The following RGS17 variants were observed in gnomAD, a reference collection of about 807,000 sequenced individuals.
The protein encoded by RGS17 is regulator of G-protein signaling 17.
RGS17 carries 12 observed loss-of-function variants against 25.5 expected under a neutral mutation model. That is an observed-to-expected ratio of 0.47 (90% CI 0.30 to 0.76). The LOEUF is 0.76. Ranked by LOEUF, RGS17 falls within the 30% of genes least tolerant of loss-of-function variation. The probability of loss-of-function intolerance (pLI) is 0.07; values close to 1 mark genes in which losing one functional copy is unlikely to be tolerated. For synonymous variants in RGS17, 71 were observed against 76.9 expected, an observed-to-expected ratio of 0.92 and a Z score of 0.40; for missense variants, 196 against 242.2, an observed-to-expected ratio of 0.81 and a Z score of 1.27.
intron 4 of RGS17, among the ~76,000 whole-genome samples, chr6:153,015,384 G>C (rs944148180): frequency 6.6e-6 from 1 of 152,158 alleles, no homozygotes; most frequent in Non-Finnish European, 1.5e-5. Context: ...GTCAATCGAT[G>C]TGGCAAACTT....
At chr6:153,123,910 A>G (rs748966745) in intron 1 of RGS17, among the ~76,000 whole-genome samples, 1 of 152,192 alleles carries the variant, frequency 6.6e-6, no homozygotes, top group Non-Finnish European at 1.5e-5. Flanking sequence ...CTTTATTTCA[A>G]TGAGAAGGAA....
In RGS17 at chr6:153,004,777, C is replaced by G. The variant is rs1224617445; in HGVS notation, c.*6797G>C. ...AAACTTAAATTGGAGGAAACATAAT[C>G]TGGATTATCTATTCAATTTGTGAAT... On this transcript the variant is annotated 3_prime_UTR_variant, in exon 5 of 5. Transcript: ENST00000206262. 4 of 152,052 alleles carry G rather than the reference C, an allele frequency of 2.6e-5. No individual in the cohort carries two copies. The highest frequency in any genetic ancestry group is 9.7e-5 in the African/African-American group (4 of 41,434). 9.4% of individuals were successfully genotyped at this position (152,052 alleles called of 1,614,324 possible).
At chr6:153,035,338 G>C (rs573221316) in intron 2 of RGS17, among the ~76,000 whole-genome samples, 1 of 152,144 alleles carries the variant, frequency 6.6e-6, no homozygotes, top group African/African-American at 2.4e-5. Context: ...AGTCCAGCAT[G>C]ATTATTATAA....
rs998727853 is a variant in RGS17 at position 153,026,605 on chromosome 6, A to G, written c.120-62T>C. 5 of 1,307,932 alleles carry G rather than the reference A, an allele frequency of 3.8e-6. No individual in the cohort carries two copies. In the African/African-American group the frequency reaches 7.3e-5, roughly 19 times the overall value. The allele number at this position is 1,307,932 out of a possible 1,614,324, so 81.0% of individuals were successfully genotyped here. Reference sequence around the variant, plus strand: ...AATTCAATCAGTTGAAGAAAAGAATAAATTTTTCTGGGGAAACATTTCACA... The same window carrying G: ...AATTCAATCAGTTGAAGAAAAGAATGAATTTTTCTGGGGAAACATTTCACA... On this transcript the variant is annotated intron_variant, in intron 2 of 4. Coordinates refer to ENST00000206262, the MANE Select transcript of RGS17 (RefSeq NM_012419.5).
chr6:153,079,779 T>G (rs1277392828), intron 1 of RGS17, among the ~76,000 whole-genome samples: 1 of 152,136 alleles, frequency 6.6e-6, no homozygotes, highest in Non-Finnish European at 1.5e-5. Flanking sequence ...AATTTAATGT[T>G]CATACAAGGG....
chr6:153,078,854 C>A, intron 1 of RGS17, among the ~76,000 whole-genome samples: 1 of 151,774 alleles, frequency 6.6e-6, no homozygotes, highest in Non-Finnish European at 1.5e-5. Flanking sequence ...TCATTCATTG[C>A]CAGCATACAG....
intron 2 of RGS17, among the ~76,000 whole-genome samples, chr6:153,042,955 C>A (rs1265656502): frequency 2.0e-5 from 3 of 152,154 alleles, no homozygotes; most frequent in African/African-American, 7.2e-5. Flanking sequence ...CCCAGAAGAC[C>A]ACTGCTGGGC....
chr6:153,017,083 C>T (rs945813736), intron 4 of RGS17, among the ~76,000 whole-genome samples: 2 of 152,142 alleles, frequency 1.3e-5, no homozygotes, highest in African/African-American at 4.8e-5. Flanking sequence ...AGACCCATAC[C>T]AAGGTGGTGT....
intron 2 of RGS17, among the ~76,000 whole-genome samples, chr6:153,043,252 A>G (rs1394758914): frequency 1.3e-5 from 2 of 152,182 alleles, no homozygotes; most frequent in Non-Finnish European, 2.9e-5. Context: ...CCTGCCAGTG[A>G]TAACACCACA....
intron 1 of RGS17, among the ~76,000 whole-genome samples, chr6:153,044,827 G>A (rs1162829677): frequency 2.0e-5 from 3 of 152,158 alleles, no homozygotes; most frequent in Non-Finnish European, 2.9e-5. Context: ...GGCCAAATGA[G>A]TTGCTACCTA....
At chr6:153,111,555 G>C (rs1290710321) in intron 1 of RGS17, among the ~76,000 whole-genome samples, 1 of 152,224 alleles carries the variant, frequency 6.6e-6, no homozygotes. Flanking sequence ...GCTCTGAAGA[G>C]AGCAGCAGAT....
intron 1 of RGS17, among the ~76,000 whole-genome samples, chr6:153,118,949 T>C (rs959381446): frequency 6.6e-6 from 1 of 152,196 alleles, no homozygotes; most frequent in Non-Finnish European, 1.5e-5. Context: ...TTCATTCTCT[T>C]TATAACACAT....
In RGS17 at chr6:153,046,389, A is replaced by G. The variant is rs981249360; in HGVS notation, c.-25-2346T>C. 2.0e-5 allele frequency among the ~76,000 whole-genome samples: 3 copies of G among 152,132 alleles called. No homozygotes were observed. In the East Asian group the frequency reaches 5.8e-4, roughly 29 times the overall value. On this transcript the variant is annotated intron_variant, in intron 1 of 4. Transcript: ENST00000206262. ...ATGATAAATGTTTAAGACGATGAAT[A>G]TGGTAATGATCCTTTATTACCATAG...
At chr6:153,083,775 G>T (rs1777014633) in intron 1 of RGS17, among the ~76,000 whole-genome samples, 1 of 152,168 alleles carries the variant, frequency 6.6e-6, no homozygotes, top group African/African-American at 2.4e-5. Context: ...AACTGAACTT[G>T]CTTGAATTTG....
In RGS17 at chr6:153,121,915, C is replaced by A. The variant is rs970546994; in HGVS notation, c.-26+9209G>T. 7.0e-4 allele frequency among the ~76,000 whole-genome samples: 106 copies of A among 152,120 alleles called. 1 individual carries two copies. The highest frequency in any genetic ancestry group is 6.9e-3 in the Admixed American group (105 of 15,280). On this transcript the variant is annotated intron_variant, in intron 1 of 4. Transcript: ENST00000206262. ...TGGAATTCTACCTTACGAAACCCCA[C>A]TTGCATTACCCAGATGTTCAGTCAA...
At chr6:153,042,110 C>G (rs951254638) in intron 2 of RGS17, among the ~76,000 whole-genome samples, 1 of 152,182 alleles carries the variant, frequency 6.6e-6, no homozygotes, top group Non-Finnish European at 1.5e-5. Flanking sequence ...TTACATGGTA[C>G]TTCACAGATT....
intron 1 of RGS17, among the ~76,000 whole-genome samples, chr6:153,062,510 G>A (rs570207142): frequency 9.9e-5 from 15 of 152,202 alleles, no homozygotes; most frequent in African/African-American, 3.4e-4. Context: ...TTGCCACTGT[G>A]GGCTAAAGTA....
intron 1 of RGS17, among the ~76,000 whole-genome samples, chr6:153,091,920 A>T (rs1777138529): frequency 6.6e-6 from 1 of 152,314 alleles, no homozygotes; most frequent in East Asian, 1.9e-4. Context: ...TCAATTTTTA[A>T]TCAATATTTG....
Position 153,006,261 on chromosome 6 carries a change from G to T in RGS17, c.*5313C>A, listed in dbSNP as rs1284190828. 1.3e-5 allele frequency: 2 copies of T among 152,148 alleles called. No homozygotes were observed. The highest frequency in any genetic ancestry group is 2.4e-5 in the African/African-American group (1 of 41,402). 9.4% of individuals were successfully genotyped at this position (152,148 alleles called of 1,614,324 possible). A position where few individuals can be genotyped will look rare whatever the true frequency, so the allele number is the denominator to read the frequency against. On this transcript the variant is annotated 3_prime_UTR_variant, in exon 5 of 5. Coordinates refer to ENST00000206262, the MANE Select transcript of RGS17 (RefSeq NM_012419.5). ...CTAATTGTCAATCTCTTATAACTTA[G>T]TCTTAGCCCTATAACTCATTTATAT...
Sources: allele counts gnomAD v4.1 joint callset (sites outside exome capture counted in the v4.1 genomes callset), GRCh38; gene constraint gnomAD v4.1.1; transcripts MANE v1.5; gene names NCBI Gene and HGNC (gene_info 2026-07-23, HGNC 2026-07-21).